Variants in CCAR1 observed in about 807,000 individuals in gnomAD.
CCAR1 encodes the protein cell division cycle and apoptosis regulator protein 1.
In CCAR1, 78 loss-of-function variants were observed where a neutral mutation model predicts 163.8. That is an observed-to-expected ratio of 0.48 (90% CI 0.40 to 0.57). The LOEUF (loss-of-function observed/expected upper bound fraction) is 0.57. Ranked by LOEUF, CCAR1 falls within the 20% of genes least tolerant of loss-of-function variation. The pLI, the probability that CCAR1 is intolerant of heterozygous loss-of-function variation, is 0.00. For missense variants in CCAR1, 1,019 were observed against 1,365.2 expected, an observed-to-expected ratio of 0.75 and a Z score of 4.00; for synonymous variants, 443 against 460.7, an observed-to-expected ratio of 0.96 and a Z score of 0.49.
intron 17 of CCAR1, among the ~76,000 whole-genome samples, chr10:68,767,542 C>T (rs955075210): frequency 9.2e-5 from 14 of 151,998 alleles, no homozygotes; most frequent in African/African-American, 2.2e-4. Flanking sequence ...CAACTGCACC[C>T]GGCCTATTTA....
intron 15 of CCAR1, among the ~76,000 whole-genome samples, chr10:68,760,594 C>T (rs766736420): frequency 6.6e-6 from 1 of 152,136 alleles, no homozygotes; most frequent in Non-Finnish European, 1.5e-5. Flanking sequence ...AAAGGCTGGG[C>T]GTGGTGGCTC....
chr10:68,784,698 G>A lies in CCAR1; in HGVS notation c.2651-1438G>A, dbSNP rs528658526. Among the ~76,000 whole-genome samples, 8 of 152,052 alleles carry A rather than the reference G, an allele frequency of 5.3e-5. No individual in the cohort carries two copies. The East Asian group carries it at 5.8e-4, about 11-fold the overall frequency. On this transcript the variant is annotated intron_variant, in intron 19 of 24. Transcript: ENST00000265872. Reference sequence around the variant, plus strand: ...CAAGTAGCTGGAACCGCAGGCATGCGCTACTTAGTCTGACTCATTTTTTAA... The same window carrying A: ...CAAGTAGCTGGAACCGCAGGCATGCACTACTTAGTCTGACTCATTTTTTAA...
intron 11 of CCAR1, 49 bp downstream of exon 11, chr10:68,754,126 A>G: frequency 1.6e-6 from 2 of 1,272,994 alleles, no homozygotes; most frequent in Non-Finnish European, 2.3e-6. Flanking sequence ...GCAGTTATTC[A>G]TAATAAAAGG....
chr10:68,740,652 C>A lies in CCAR1; in HGVS notation c.315C>A (p.Leu105=). The A allele has an allele frequency of 6.2e-7, 1 of 1,610,674 alleles. No individual in the cohort carries two copies. Among genetic ancestry groups the A allele is most frequent in the Non-Finnish European group, 8.5e-7 (1 of 1,178,258 alleles). ...AGTTACAGCAACCCCAGCAAACCCT[C>A]TTAACACAGGTTAGTTGGTATTACT... ...QQQLQQPQQT[L]LTQPAVALPT... is the part of the protein sequence containing the mutation. Residue 105 remains leucine (L), a synonymous_variant, in exon 5 of 25, where the codon CTC becomes CTA. Coordinates refer to ENST00000265872, the MANE Select transcript of CCAR1 (RefSeq NM_018237.4).
In CCAR1 at chr10:68,753,956, C is replaced by G; in HGVS notation, c.1223C>G (p.Ser408Ter). ...QFTWVDAFPL[S>*]RPFQLGNYCN... ...ACATGGGTGGATGCTTTCCCTTTGT[C>G]AAGACCATTTCAGCTGGGAAATTAC... is the stretch of plus-strand genomic sequence containing the variant. Residue 408 changes from serine (S) to a stop codon, truncating the protein, a stop_gained, in exon 11 of 25, where the codon TCA (serine) becomes TGA (stop). Transcript: ENST00000265872. LOFTEE classifies it high-confidence loss of function. 1 of 1,613,930 alleles carries G rather than the reference C, an allele frequency of 6.2e-7. No homozygotes were observed. The highest frequency in any genetic ancestry group is 8.5e-7 in the Non-Finnish European group (1 of 1,179,900).
chr10:68,749,916 T>C (rs2056308918), intron 10 of CCAR1, among the ~76,000 whole-genome samples: 1 of 150,836 alleles, frequency 6.6e-6, no homozygotes, highest in South Asian at 2.1e-4. Flanking sequence ...TCAAGGAAAT[T>C]CCTCTGTCAT....
intron 19 of CCAR1, among the ~76,000 whole-genome samples, chr10:68,773,969 C>G (rs1376984079): frequency 2.0e-5 from 3 of 150,814 alleles, no homozygotes; most frequent in Non-Finnish European, 4.4e-5. Context: ...CTCAGCTCAC[C>G]GCAACCTCCG....
intron 6 of CCAR1, among the ~76,000 whole-genome samples, chr10:68,744,259 A>C (rs988898965): frequency 6.6e-6 from 1 of 152,176 alleles, no homozygotes; most frequent in Non-Finnish European, 1.5e-5. Context: ...CATAACTGTG[A>C]GTGGGGTGTT....
intron 15 of CCAR1, among the ~76,000 whole-genome samples, chr10:68,758,519 T>A (rs886308859): frequency 6.7e-6 from 1 of 149,846 alleles, no homozygotes; most frequent in South Asian, 2.1e-4. Context: ...TGTGTGTGTG[T>A]GTGTGTGTGT....
At chr10:68,753,061 A>G (rs953504462) in intron 10 of CCAR1, among the ~76,000 whole-genome samples, 5 of 68,084 alleles carry the variant, frequency 7.3e-5, no homozygotes, top group Middle Eastern at 7.8e-3. Context: ...ACATCTCTGC[A>G]TGTAGATTAC....
chr10:68,732,174 A>T (rs1236168990), intron 2 of CCAR1, among the ~76,000 whole-genome samples: 1 of 152,156 alleles, frequency 6.6e-6, no homozygotes, highest in Non-Finnish European at 1.5e-5. Context: ...TGATGTCATG[A>T]TACTTATACT....
chr10:68,740,736 T>C (rs2056171771), intron 5 of CCAR1, 75 bp downstream of exon 5: 4 of 1,202,224 alleles, frequency 3.3e-6, no homozygotes, highest in Middle Eastern at 2.0e-4. Flanking sequence ...TATTCTACTT[T>C]TTCTTTCAGG....
At chr10:68,761,271 TTATG>T (rs1281324240) in intron 16 of CCAR1, 79 bp downstream of exon 16, 10 of 619,896 alleles carry the variant, frequency 1.6e-5, no homozygotes, top group South Asian at 1.1e-4. Flanking sequence ...TGAGTTAAGA[TTATG>T]TGTGTGTAAG....
intron 9 of CCAR1, 81 bp from the exon 10 acceptor site, chr10:68,749,443 A>G: frequency 3.1e-6 from 4 of 1,299,446 alleles, no homozygotes; most frequent in Non-Finnish European, 4.2e-6. Context: ...TCTTGCTTAT[A>G]TTACCTACTC....
At chr10:68,736,839 C>T (rs747316253) in intron 2 of CCAR1, 37 bp from the exon 3 acceptor site, 1 of 1,574,674 alleles carries the variant, frequency 6.4e-7, no homozygotes. Flanking sequence ...TCTTCTTAAT[C>T]TTGATTTTTA....
chr10:68,787,948 G>A lies in CCAR1; in HGVS notation c.2902G>A (p.Val968Ile), dbSNP rs141395925. ...RAQVKKLLNK[V>I]VLRESCFYRK... The stretch of plus-strand genomic sequence containing the variant: ...ACAGGTAAAGAAGCTTCTTAATAAA[G>A]TAGTGCTCCGTGAATCTTGCTTTTA... The change falls in exon 22 of 25, where the codon GTA (valine) becomes ATA (isoleucine). Residue 968 changes from valine (V) to isoleucine (I), a missense_variant. Val to Ile is a conservative substitution (Grantham distance 29). Transcript: ENST00000265872. 796 of 1,611,674 alleles carry A rather than the reference G, an allele frequency of 4.9e-4. 5 individuals carry two copies. In the African/African-American group the frequency reaches 9.3e-3, roughly 19 times the overall value.
chr10:68,743,903 C>G (rs1245036443), intron 6 of CCAR1, among the ~76,000 whole-genome samples: 6 of 152,164 alleles, frequency 3.9e-5, no homozygotes, highest in African/African-American at 7.2e-5. Flanking sequence ...GTGCCTGCCA[C>G]CACGCCTGGG....
At chr10:68,769,990 C>CTA (rs1564546948) in intron 17 of CCAR1, among the ~76,000 whole-genome samples, 1 of 151,324 alleles carries the variant, frequency 6.6e-6, no homozygotes, top group African/African-American at 2.4e-5. Context: ...TATGCGTATG[C>CTA]TATAGCCCAT....
chr10:68,758,772 A>G (rs2056432592), intron 15 of CCAR1, among the ~76,000 whole-genome samples: 1 of 151,306 alleles, frequency 6.6e-6, no homozygotes, highest in African/African-American at 2.4e-5. Flanking sequence ...TCCCGGGTTC[A>G]AGAGATTCTC....
Sources: allele counts gnomAD v4.1 joint callset (sites outside exome capture counted in the v4.1 genomes callset), GRCh38; gene constraint gnomAD v4.1.1; transcripts MANE v1.5; gene names NCBI Gene and HGNC (gene_info 2026-07-23, HGNC 2026-07-21).